The following GRIA3 variants were observed in gnomAD, a reference collection of about 807,000 sequenced individuals.
The protein encoded by GRIA3 is glutamate receptor 3.
GRIA3 carries 3 observed loss-of-function variants against 63.0 expected under a neutral mutation model. The ratio of observed to expected loss-of-function variants is 0.05; its 90% CI spans 0.02 to 0.12. GRIA3 has a LOEUF of 0.12. Ranked by LOEUF, GRIA3 falls within the 10% of genes least tolerant of loss-of-function variation. The pLI, the probability that GRIA3 is intolerant of heterozygous loss-of-function variation, is 1.00. For synonymous variants in GRIA3, 274 were observed against 257.9 expected, an observed-to-expected ratio of 1.06 and a Z score of -0.60; for missense variants, 347 against 700.9, an observed-to-expected ratio of 0.50 and a Z score of 5.70.
intron 13 of GRIA3, among the ~76,000 whole-genome samples, chrX:123,466,042 G>A (rs2045831601): frequency 8.9e-6 from 1 of 111,905 alleles, no homozygotes; most frequent in African/African-American, 3.3e-5. Context: ...CCACCAGTTT[G>A]GTTGCCTTAT....
chrX:123,464,751 T>C (rs767169885), intron 12 of GRIA3, 114 bp from the exon 13 acceptor site: 2 of 642,321 alleles, frequency 3.1e-6, no homozygotes, highest in Non-Finnish European at 5.0e-6. Context: ...TAGGTTGCAG[T>C]GTAACGTGTT....
At chrX:123,278,624 T>C (rs2044568232) in intron 3 of GRIA3, among the ~76,000 whole-genome samples, 1 of 112,434 alleles carries the variant, frequency 8.9e-6, no homozygotes, top group African/African-American at 3.2e-5. Context: ...ATGGGCCTAA[T>C]TTCTTTCTTA....
At chrX:123,222,164 C>G (rs978942900) in intron 2 of GRIA3, among the ~76,000 whole-genome samples, 2 of 111,753 alleles carry the variant, frequency 1.8e-5, no homozygotes, top group African/African-American at 6.5e-5. Flanking sequence ...TGTCTCTCTT[C>G]TTTCCTCAGC....
At chrX:123,268,542 C>T (rs1179657448) in intron 3 of GRIA3, among the ~76,000 whole-genome samples, 1 of 109,851 alleles carries the variant, frequency 9.1e-6, no homozygotes, top group Admixed American at 9.7e-5. Flanking sequence ...CCTTAAAAAC[C>T]TTTAATAATC....
At chrX:123,213,685 C>T (rs1928092934) in intron 2 of GRIA3, among the ~76,000 whole-genome samples, 1 of 112,153 alleles carries the variant, frequency 8.9e-6, no homozygotes, top group Non-Finnish European at 1.9e-5. Flanking sequence ...TTCCTGTACA[C>T]AGAGCTTTTA....
chrX:123,249,897 T>C (rs1179251267), intron 2 of GRIA3, among the ~76,000 whole-genome samples: 2 of 111,718 alleles, frequency 1.8e-5, no homozygotes, highest in African/African-American at 6.5e-5. Flanking sequence ...TTTTGTCTCA[T>C]TCTTCTTGTC....
intron 3 of GRIA3, among the ~76,000 whole-genome samples, chrX:123,300,302 T>C (rs748608530): frequency 9.3e-6 from 1 of 107,342 alleles, no homozygotes; most frequent in African/African-American, 3.4e-5. Flanking sequence ...GTTGGAATGG[T>C]TCCAGCTCTT....
chrX:123,352,016 A>G (rs911021554), intron 4 of GRIA3, among the ~76,000 whole-genome samples: 1 of 111,945 alleles, frequency 8.9e-6, no homozygotes, highest in African/African-American at 3.2e-5. Flanking sequence ...CTGAAAAACA[A>G]TGTCTCAATG....
chrX:123,346,137 C>A, intron 4 of GRIA3, among the ~76,000 whole-genome samples: 1 of 111,745 alleles, frequency 8.9e-6, no homozygotes, highest in Non-Finnish European at 1.9e-5. Flanking sequence ...CTAAGCCAGG[C>A]AGTCTAGCCT....
Position 123,184,654 on chromosome X carries a change from A to G in GRIA3, c.109+10A>G, listed in dbSNP as rs1235489512. 9.7e-6 allele frequency: 11 copies of G among 1,128,451 alleles called. No homozygotes were observed. Among genetic ancestry groups the G allele is most frequent in the Non-Finnish European group, 1.2e-5 (10 of 822,529 alleles). The allele number at this position is 1,128,451 out of a possible 1,213,427, so 93.0% of individuals were successfully genotyped here. On this transcript the variant is annotated intron_variant, in intron 1 of 15. Coordinates refer to ENST00000620443, the MANE Select transcript of GRIA3 (RefSeq NM_007325.5). ...AACACCATCAGCATAGGTAAGCGCA[A>G]GCGAGCCAGCCGTCGGTCCAGGCTC...
intron 3 of GRIA3, among the ~76,000 whole-genome samples, chrX:123,316,978 G>T (rs2044835543): frequency 9.0e-6 from 1 of 111,584 alleles, no homozygotes; most frequent in African/African-American, 3.3e-5. Flanking sequence ...CCAAAACTGG[G>T]AACAAAAAAA....
At chrX:123,262,144 T>C (rs1292728565) in intron 3 of GRIA3, among the ~76,000 whole-genome samples, 1 of 111,958 alleles carries the variant, frequency 8.9e-6, no homozygotes, top group Admixed American at 9.4e-5. Flanking sequence ...GGTTTGTCCC[T>C]TGAAGCCCTT....
At chrX:123,222,601 AT>A (rs2044225041) in intron 2 of GRIA3, among the ~76,000 whole-genome samples, 1 of 111,981 alleles carries the variant, frequency 8.9e-6, no homozygotes, top group African/African-American at 3.3e-5. Flanking sequence ...TTTCATGAGA[AT>A]TACCTGGGAA....
intron 3 of GRIA3, among the ~76,000 whole-genome samples, chrX:123,314,614 A>G (rs1488039617): frequency 1.8e-5 from 2 of 112,369 alleles, no homozygotes; most frequent in African/African-American, 6.5e-5. Flanking sequence ...ACTTTCACTC[A>G]ATGAAACTGA....
chrX:123,277,936 G>T (rs2044564733), intron 3 of GRIA3, among the ~76,000 whole-genome samples: 1 of 112,045 alleles, frequency 8.9e-6, no homozygotes, highest in Admixed American at 9.5e-5. Context: ...GAAAATCCTT[G>T]AACTGGATGA....
rs959560984 is a variant in GRIA3 at position 123,490,228 on chromosome X, C to T, written c.*1518C>T. 8.9e-6 allele frequency: 1 copy of T among 112,766 alleles called. No individual in the cohort carries two copies. Among genetic ancestry groups the T allele is most frequent in the African/African-American group, 3.2e-5 (1 of 30,908 alleles). 9.3% of individuals were successfully genotyped at this position (112,766 alleles called of 1,213,427 possible). ...GTGACCCTTAGATGCTTAGTTGACT[C>T]GCTGCATATTTGCTCTTGTCTTCAG... On this transcript the variant is annotated 3_prime_UTR_variant, in exon 16 of 16. Transcript: ENST00000620443.
In GRIA3 at chrX:123,453,083, C is replaced by T. The variant is rs946420106; in HGVS notation, c.2077-11782C>T. ...TATAAATCATGCTGCTATAAAGACA[C>T]ATGCACATGTATGTTTATTGCGACA... On this transcript the variant is annotated intron_variant, in intron 12 of 15. Transcript: ENST00000620443. Among the ~76,000 whole-genome samples, 9 of 112,120 alleles carry T rather than the reference C, an allele frequency of 8.0e-5. No individual in the cohort carries two copies. The South Asian group carries it at 3.0e-3, about 37-fold the overall frequency.
intron 4 of GRIA3, among the ~76,000 whole-genome samples, chrX:123,327,617 C>T (rs189822612): frequency 3.6e-4 from 40 of 109,913 alleles, no homozygotes; most frequent in Middle Eastern, 4.7e-3. Context: ...AGGGAAGAGA[C>T]GGAAGGAAGG....
Position 123,392,686 on chromosome X carries a change from T to C in GRIA3, c.751-2282T>C, listed in dbSNP as rs747984449. The stretch of plus-strand genomic sequence containing the variant: ...AGCAGGCTACCTTACTTCTTTCTCA[T>C]TCCTTGAGTCAGATGTTTCCTGTCA... On this transcript the variant is annotated intron_variant, in intron 5 of 15. Transcript: ENST00000620443. Among the ~76,000 whole-genome samples the C allele has an allele frequency of 5.4e-5, 6 of 112,066 alleles. No individual in the cohort carries two copies. The South Asian group carries it at 2.3e-3, about 42-fold the overall frequency.
Sources: gnomAD v4.1 joint callset for allele counts (sites outside exome capture counted in the v4.1 genomes callset) on GRCh38, gnomAD v4.1.1 for gene constraint, MANE v1.5 for transcripts, NCBI Gene and HGNC (gene_info 2026-07-23, HGNC 2026-07-21) for gene names.